DTWD1: variants seen among roughly 807,000 people sequenced by gnomAD.
The protein encoded by DTWD1 is DTW motif tRNA-uridine aminocarboxypropyltransferase 1.
DTWD1 carries 27 observed loss-of-function variants against 30.2 expected under a neutral mutation model. The ratio of observed to expected loss-of-function variants is 0.90; its 90% CI spans 0.66 to 1.23. DTWD1 has a LOEUF of 1.23. Among genes scored for constraint, DTWD1 ranks in the 50% most tolerant of loss-of-function variants. DTWD1 has a pLI of 0.00. For synonymous variants in DTWD1, 99 were observed against 113.1 expected (o/e 0.88, Z 0.79); for missense variants, 342 against 348.8 (o/e 0.98, Z 0.15).
rs545403792 is a variant in DTWD1 at position 49,652,533 on chromosome 15, A to G, written c.*8955A>G. 1 of 149,062 alleles carries G rather than the reference A, an allele frequency of 6.7e-6. No homozygotes were observed. Among genetic ancestry groups the G allele is most frequent in the Admixed American group, 6.6e-5 (1 of 15,154 alleles). 9.2% of individuals were successfully genotyped at this position (149,062 alleles called of 1,614,324 possible). On this transcript the variant is annotated 3_prime_UTR_variant, in exon 5 of 5. Coordinates refer to ENST00000403028, the MANE Select transcript of DTWD1 (RefSeq NM_001144955.2). ...TTATACCAGATAAACCACCAGGAGC[A>G]GCAGAGGTGGTAGCAGAGGCTGAGG... is the stretch of plus-strand genomic sequence containing the variant.
chr15:49,640,095 T>C (rs1307639747), intron 4 of DTWD1, among the ~76,000 whole-genome samples: 1 of 152,134 alleles, frequency 6.6e-6, no homozygotes, highest in Non-Finnish European at 1.5e-5. Flanking sequence ...CCTTGTGCCA[T>C]TCCCCTTCTT....
At chr15:49,624,692 T>C (rs1001682185) in intron 1 of DTWD1, among the ~76,000 whole-genome samples, 1 of 152,158 alleles carries the variant, frequency 6.6e-6, no homozygotes, top group Non-Finnish European at 1.5e-5. Flanking sequence ...TGTGTTTAAG[T>C]TGGAGAGGGT....
chr15:49,625,655 AAAGG>A, intron 2 of DTWD1: 1 of 492,944 alleles, frequency 2.0e-6, no homozygotes, highest in South Asian at 2.8e-5. Context: ...CACACCGAAC[AAAGG>A]AAGGAAGGGA....
intron 3 of DTWD1, among the ~76,000 whole-genome samples, chr15:49,633,327 A>G (rs1381396677): frequency 6.6e-6 from 1 of 151,982 alleles, no homozygotes; most frequent in African/African-American, 2.4e-5. Context: ...ACAACTTTGA[A>G]ATGTATAAAA....
At chr15:49,624,832 A>G (rs1269407930) in intron 1 of DTWD1, among the ~76,000 whole-genome samples, 4 of 152,226 alleles carry the variant, frequency 2.6e-5, no homozygotes, top group African/African-American at 9.6e-5. Flanking sequence ...ACGTGAAACC[A>G]TTGCATTCCT....
chr15:49,651,438 C>T lies in DTWD1; in HGVS notation c.*7860C>T, dbSNP rs190605513. 2.0e-5 allele frequency: 3 copies of T among 152,214 alleles called. No individual in the cohort carries two copies. In the East Asian group the frequency reaches 5.8e-4, roughly 29 times the overall value. 9.4% of individuals were successfully genotyped at this position (152,214 alleles called of 1,614,324 possible). A position where few individuals can be genotyped will look rare whatever the true frequency, so the allele number is the denominator to read the frequency against. ...TCAGTTATTCGCCACCCAGTGCTAG[C>T]ACAGTGGGCACATGAATGGAATGTC... is the stretch of plus-strand genomic sequence containing the variant. On this transcript the variant is annotated 3_prime_UTR_variant, in exon 5 of 5. Coordinates refer to ENST00000403028, the MANE Select transcript of DTWD1 (RefSeq NM_001144955.2).
chr15:49,648,825 A>G lies in DTWD1; in HGVS notation c.*5247A>G, dbSNP rs1456799380. 6.6e-6 allele frequency: 1 copy of G among 152,194 alleles called. No individual in the cohort carries two copies. The highest frequency in any genetic ancestry group is 1.5e-5 in the Non-Finnish European group (1 of 68,038). The allele number at this position is 152,194 out of a possible 1,614,324, so 9.4% of individuals were successfully genotyped here. ...ATTCAGCAGTTCTGCCACTATTACTAGCTAATCCAACAACGAGGCCTTATT... is the reference window on the plus strand; with the variant it reads ...ATTCAGCAGTTCTGCCACTATTACTGGCTAATCCAACAACGAGGCCTTATT... On this transcript the variant is annotated 3_prime_UTR_variant, in exon 5 of 5. Coordinates refer to ENST00000403028, the MANE Select transcript of DTWD1 (RefSeq NM_001144955.2).
At chr15:49,628,461 A>G (rs1448142518) in intron 2 of DTWD1, among the ~76,000 whole-genome samples, 1 of 152,222 alleles carries the variant, frequency 6.6e-6, no homozygotes, top group Non-Finnish European at 1.5e-5. Flanking sequence ...GTTTGTTTAC[A>G]TCAGCATCAT....
intron 2 of DTWD1, among the ~76,000 whole-genome samples, chr15:49,626,491 C>T (rs925997434): frequency 2.6e-5 from 4 of 151,974 alleles, no homozygotes; most frequent in South Asian, 2.1e-4. Context: ...TCTACATAAT[C>T]AAAGAATTTA....
In DTWD1 at chr15:49,654,690, C is replaced by T. The variant is rs138903011; in HGVS notation, c.*11112C>T. ...TCTTTAAAAAAATGAGATTGTGGAA[C>T]CTGAAAATACAGTGTAGTAAGAGTG... On this transcript the variant is annotated 3_prime_UTR_variant, in exon 5 of 5. Coordinates refer to ENST00000403028, the MANE Select transcript of DTWD1 (RefSeq NM_001144955.2). 6.6e-6 allele frequency: 1 copy of T among 151,448 alleles called. No individual in the cohort carries two copies. Among genetic ancestry groups the T allele is most frequent in the East Asian group, 2.0e-4 (1 of 5,108 alleles). The allele number at this position is 151,448 out of a possible 1,614,324, so 9.4% of individuals were successfully genotyped here.
chr15:49,633,399 A>G (rs1174806430), intron 3 of DTWD1: 1 of 152,834 alleles, frequency 6.5e-6, no homozygotes, highest in Non-Finnish European at 1.5e-5. Flanking sequence ...CATTGGCATG[A>G]TCACAGCTTG....
intron 1 of DTWD1, among the ~76,000 whole-genome samples, chr15:49,624,195 T>A (rs1390509705): frequency 6.6e-6 from 1 of 152,228 alleles, no homozygotes; most frequent in Non-Finnish European, 1.5e-5. Flanking sequence ...TGTTTCCTGC[T>A]GGAGTCACAG....
intron 3 of DTWD1, among the ~76,000 whole-genome samples, chr15:49,633,049 C>CTATCTA (rs2078947255): frequency 1.1e-4 from 13 of 117,342 alleles, no homozygotes; most frequent in Admixed American, 5.1e-4. Flanking sequence ...ATATCTATAT[C>CTATCTA]TATATATATA....
At chr15:49,636,089 A>G (rs1264332541) in intron 4 of DTWD1, among the ~76,000 whole-genome samples, 11 of 152,220 alleles carry the variant, frequency 7.2e-5, no homozygotes, top group Non-Finnish European at 1.3e-4. Flanking sequence ...AAATTGAATC[A>G]TATAGTATGT....
At position 49,650,738 on chromosome 15, in the gene DTWD1, C is replaced by T. The variant is rs1177418075; in HGVS notation, c.*7160C>T. Reference sequence around the variant, plus strand: ...TGCTACTTCAGCCTCATTTATTACACTGTCAGGCAAAACCTTCCTCAGAGC... The same window carrying T: ...TGCTACTTCAGCCTCATTTATTACATTGTCAGGCAAAACCTTCCTCAGAGC... On this transcript the variant is annotated 3_prime_UTR_variant, in exon 5 of 5. Coordinates refer to ENST00000403028, the MANE Select transcript of DTWD1 (RefSeq NM_001144955.2). 1 of 152,196 alleles carries T rather than the reference C, an allele frequency of 6.6e-6. No homozygotes were observed. The highest frequency in any genetic ancestry group is 2.4e-5 in the African/African-American group (1 of 41,458). The allele number at this position is 152,196 out of a possible 1,614,324, so 9.4% of individuals were successfully genotyped here. A position where few individuals can be genotyped will look rare whatever the true frequency, so the allele number is the denominator to read the frequency against.
intron 1 of DTWD1, 166 bp downstream of exon 1, chr15:49,621,288 C>A (rs1250964460): frequency 6.6e-6 from 1 of 152,032 alleles, no homozygotes; most frequent in Admixed American, 6.5e-5. Flanking sequence ...TCTGCGCGGT[C>A]TCTTGCTTTT....
intron 3 of DTWD1, among the ~76,000 whole-genome samples, chr15:49,633,320 A>G (rs1314665709): frequency 6.6e-6 from 1 of 151,964 alleles, no homozygotes; most frequent in Non-Finnish European, 1.5e-5. Context: ...AACTTTTACA[A>G]CTTTGAAATG....
intron 4 of DTWD1, among the ~76,000 whole-genome samples, chr15:49,636,532 T>C (rs1273059146): frequency 6.6e-6 from 1 of 152,170 alleles, no homozygotes; most frequent in Non-Finnish European, 1.5e-5. Flanking sequence ...TTAGTCTCTT[T>C]TAATCTAGAG....
intron 1 of DTWD1, among the ~76,000 whole-genome samples, chr15:49,624,116 C>T (rs1244972078): frequency 1.3e-5 from 2 of 151,274 alleles, no homozygotes; most frequent in Admixed American, 6.6e-5. Context: ...AACTTCTTCT[C>T]AGCAAATTAT....
Sources: allele counts gnomAD v4.1 joint callset (sites outside exome capture counted in the v4.1 genomes callset), GRCh38; gene constraint gnomAD v4.1.1; transcripts MANE v1.5; gene names NCBI Gene and HGNC (gene_info 2026-07-23, HGNC 2026-07-21).